The following BGN variants were observed in gnomAD, a reference collection of about 807,000 sequenced individuals.
The protein encoded by BGN is biglycan.
In BGN, 6 loss-of-function variants were observed where a neutral mutation model predicts 20.0. That is an observed-to-expected ratio of 0.30 (90% CI 0.16 to 0.59). The LOEUF is 0.59. Among genes scored for constraint, BGN ranks in the 20% least tolerant of loss-of-function variants. The pLI, the probability that BGN is intolerant of heterozygous loss-of-function variation, is 0.88. For synonymous variants in BGN, 146 were observed against 134.6 expected, an observed-to-expected ratio of 1.08 and a Z score of -0.59; for missense variants, 292 against 312.1, an observed-to-expected ratio of 0.94 and a Z score of 0.49.
rs55857706 is a variant in BGN at position 153,504,920 on chromosome X, G to A, written c.238+51G>A. 67,073 of 1,090,289 alleles carry A rather than the reference G, an allele frequency of 0.062. 1,646 individuals carry two copies. Among genetic ancestry groups the A allele is most frequent in the Non-Finnish European group, 0.075 (60,587 of 805,881 alleles). 89.9% of individuals were successfully genotyped at this position (1,090,289 alleles called of 1,213,427 possible). A position where few individuals can be genotyped will look rare whatever the true frequency, so the allele number is the denominator to read the frequency against. Reference sequence around the variant, plus strand: ...GGGCATGCAGGGAGGCTCAGGTGCAGCCTGAGAGCCCCTTCTGAAGGGGAC... The same window carrying A: ...GGGCATGCAGGGAGGCTCAGGTGCAACCTGAGAGCCCCTTCTGAAGGGGAC... On this transcript the variant is annotated intron_variant, in intron 2 of 7. Transcript: ENST00000331595.
chrX:153,505,838 A>G, intron 3 of BGN, 25 bp from the exon 4 acceptor site: 2 of 1,191,852 alleles, frequency 1.7e-6, no homozygotes, highest in Non-Finnish European at 2.3e-6. Flanking sequence ...CTGTGCCTTC[A>G]CCTCCTCCGC....
At chrX:153,505,449 C>T (rs782480788) in intron 3 of BGN, 99 bp downstream of exon 3, 30 of 708,769 alleles carry the variant, frequency 4.2e-5, no homozygotes, top group Non-Finnish European at 5.8e-5. Flanking sequence ...GGTTCGGGGA[C>T]TCGTGGGGCT....
At chrX:153,505,210 A>T (rs782355444) in intron 2 of BGN, 28 bp from the exon 3 acceptor site, 1 of 1,145,779 alleles carries the variant, frequency 8.7e-7, no homozygotes, top group Admixed American at 2.3e-5. Context: ...TCTCAAGTTC[A>T]TGCTGGTGAT....
rs2089829079 is a variant in BGN at position 153,509,491 on chromosome X, G to A, written c.*1046G>A. ...TATCCTTCTGGTCCAGCGCAAGGAG[G>A]GGCTGCTTCTGAGGTCGGTGGCTGT... On this transcript the variant is annotated 3_prime_UTR_variant, in exon 8 of 8. Coordinates refer to ENST00000331595, the MANE Select transcript of BGN (RefSeq NM_001711.6). The A allele has an allele frequency of 1.8e-5, 2 of 112,185 alleles. No homozygotes were observed. Among genetic ancestry groups the A allele is most frequent in the African/African-American group, 6.5e-5 (2 of 30,861 alleles). 9.2% of individuals were successfully genotyped at this position (112,185 alleles called of 1,213,427 possible).
chrX:153,498,059 C>T (rs782245754), intron 1 of BGN, among the ~76,000 whole-genome samples: 14 of 112,744 alleles, frequency 1.2e-4, no homozygotes, highest in Non-Finnish European at 2.6e-4. Flanking sequence ...TCCCGGCTCC[C>T]TGGCAGGCCT....
chrX:153,506,225 A>G (rs2089799293), intron 4 of BGN, 149 bp downstream of exon 4: 25 of 686,647 alleles, frequency 3.6e-5, no homozygotes, highest in Non-Finnish European at 4.9e-5. Context: ...CAAATCCTCC[A>G]TGCAGGCGAT....
intron 1 of BGN, among the ~76,000 whole-genome samples, chrX:153,495,871 C>G (rs782675707): frequency 8.9e-6 from 1 of 112,894 alleles, no homozygotes; most frequent in South Asian, 3.7e-4. Flanking sequence ...CCCCCTTGGA[C>G]TGGGACTCAG....
intron 1 of BGN, among the ~76,000 whole-genome samples, chrX:153,496,862 C>G (rs2089718763): frequency 9.1e-6 from 1 of 110,451 alleles, no homozygotes; most frequent in African/African-American, 3.3e-5. Context: ...GCACTCAGAG[C>G]CTTCAGCAAG....
At chrX:153,496,216 C>G (rs1159169524) in intron 1 of BGN, among the ~76,000 whole-genome samples, 1 of 112,597 alleles carries the variant, frequency 8.9e-6, no homozygotes, top group Non-Finnish European at 1.9e-5. Context: ...TTTCTGGGCC[C>G]TCGCCCCTCC....
chrX:153,508,488 G>T lies in BGN; in HGVS notation c.*43G>T. 8.5e-7 allele frequency: 1 copy of T among 1,175,413 alleles called. No individual in the cohort carries two copies. The highest frequency in any genetic ancestry group is 3.0e-5 in the East Asian group (1 of 33,404). Reference sequence around the variant, plus strand: ...GCGGGGCCTCAGTGGGGGTCTCTGGGGAACACAGCCAGACATCCTGATGGG... The same window carrying T: ...GCGGGGCCTCAGTGGGGGTCTCTGGTGAACACAGCCAGACATCCTGATGGG... On this transcript the variant is annotated 3_prime_UTR_variant, in exon 8 of 8. Transcript: ENST00000331595.
At chrX:153,502,772 T>C (rs2089769779) in intron 1 of BGN, among the ~76,000 whole-genome samples, 1 of 112,433 alleles carries the variant, frequency 8.9e-6, no homozygotes, top group African/African-American at 3.2e-5. Flanking sequence ...CAGCTCCACA[T>C]GAGGGGGAAG....
At chrX:153,506,099 C>T (rs782116092) in intron 4 of BGN, 23 bp downstream of exon 4, 2 of 1,187,673 alleles carry the variant, frequency 1.7e-6, no homozygotes, top group Non-Finnish European at 2.3e-6. Context: ...CCTCCCAGAA[C>T]ATTCCAGAGC....
At position 153,506,052 on chromosome X, in the gene BGN, G is replaced by A. The variant is rs2089798225; in HGVS notation, c.541G>A (p.Gly181Arg). ...CAAGGTGCCCAAGGGAGTGTTCAGC[G>A]GGCTCCGGAACATGAACTGCATCGG... ...IRKVPKGVFS[G>R]LRNMNCIEMG... is the part of the protein sequence containing the mutation. The change falls in exon 4 of 8, where the codon GGG (glycine) becomes AGG (arginine). Residue 181 changes from glycine to arginine, a missense_variant. By Grantham distance (125) the Gly-to-Arg change is moderately radical. Transcript: ENST00000331595. The A allele has an allele frequency of 1.7e-6, 2 of 1,209,829 alleles. No homozygotes were observed. The highest frequency in any genetic ancestry group is 1.7e-5 in the African/African-American group (1 of 57,297).
Position 153,508,417 on chromosome X carries a change from C to T in BGN, c.1079C>T (p.Ala360Val), listed in dbSNP as rs782699881. The change falls in exon 8 of 8, where the codon GCC becomes GTC. Residue 360 changes from alanine to valine, a missense_variant. Ala to Val is a moderately conservative substitution (Grantham distance 64). Coordinates refer to ENST00000331595, the MANE Select transcript of BGN (RefSeq NM_001711.6). Reference sequence around the variant, plus strand: ...TTCCGCTGCGTCACTGACCGCCTGGCCATCCAGTTTGGCAACTACAAAAAG... The same window carrying T: ...TTCCGCTGCGTCACTGACCGCCTGGTCATCCAGTTTGGCAACTACAAAAAG... Reference protein sequence around the residue: ...ATFRCVTDRLAIQFGNYKK With the variant: ...ATFRCVTDRLVIQFGNYKK 2 of 1,212,027 alleles carry T rather than the reference C, an allele frequency of 1.7e-6. No homozygotes were observed. Among genetic ancestry groups the T allele is most frequent in the Non-Finnish European group, 1.1e-6 (1 of 895,559 alleles).
At chrX:153,503,196 C>T (rs1244399664) in intron 1 of BGN, among the ~76,000 whole-genome samples, 1 of 112,810 alleles carries the variant, frequency 8.9e-6, no homozygotes, top group African/African-American at 3.2e-5. Flanking sequence ...AAGCATCGGG[C>T]AGGGCGGGGC....
Position 153,505,356 on chromosome X carries a change from G to A in BGN, c.351+6G>A, listed in dbSNP as rs370838225. 262 of 1,190,082 alleles carry A rather than the reference G, an allele frequency of 2.2e-4. 1 individual carries two copies. The highest frequency in any genetic ancestry group is 2.9e-4 in the Non-Finnish European group (255 of 878,366). On this transcript the variant is annotated splice_donor_region_variant and intron_variant, in intron 3 of 7. Coordinates refer to ENST00000331595, the MANE Select transcript of BGN (RefSeq NM_001711.6). Reference sequence around the variant, plus strand: ...AGGGTCTCCAGCACCTCTACGTAAGGAGCTGGGAGGAACCAGCAGGCCTAC... The same window carrying A: ...AGGGTCTCCAGCACCTCTACGTAAGAAGCTGGGAGGAACCAGCAGGCCTAC...
chrX:153,503,617 G>C (rs2124228866), intron 1 of BGN, among the ~76,000 whole-genome samples: 1 of 112,217 alleles, frequency 8.9e-6, no homozygotes, highest in South Asian at 3.7e-4. Context: ...CTCTGGACGG[G>C]AGACCGTGTC....
At chrX:153,501,700 G>A (rs143172865) in intron 1 of BGN, among the ~76,000 whole-genome samples, 1,491 of 111,956 alleles carry the variant, frequency 0.013, 24 homozygotes, top group African/African-American at 0.046. Flanking sequence ...GGGATGTGCC[G>A]GGAAGCCTGC....
intron 1 of BGN, among the ~76,000 whole-genome samples, chrX:153,500,948 A>G (rs189883430): frequency 2.0e-3 from 225 of 110,929 alleles, no homozygotes; most frequent in African/African-American, 7.0e-3. Flanking sequence ...GTGAATGTGT[A>G]TACATGGGTA....
Sources: allele counts gnomAD v4.1 joint callset (sites outside exome capture counted in the v4.1 genomes callset), GRCh38; gene constraint gnomAD v4.1.1; transcripts MANE v1.5; gene names NCBI Gene and HGNC (gene_info 2026-07-23, HGNC 2026-07-21).